The following GOSR1 variants were observed in gnomAD, a reference collection of about 807,000 sequenced individuals.
GOSR1 encodes golgi SNAP receptor complex member 1, also known as 28 kDa Golgi SNARE protein.
Under a neutral mutation model 35.5 loss-of-function variants are expected in GOSR1, and 21 were observed. The ratio of observed to expected loss-of-function variants is 0.59; its 90% CI spans 0.42 to 0.85. The LOEUF is 0.85. GOSR1 is among the 40% of genes least tolerant of loss of function. The pLI is 0.00. For synonymous variants in GOSR1, 94 were observed against 106.6 expected, an observed-to-expected ratio of 0.88 and a Z score of 0.73; for missense variants, 285 against 309.6, an observed-to-expected ratio of 0.92 and a Z score of 0.60.
chr17:30,491,516 GGGCGTAGTTGTA>G (rs1278366646), intron 5 of GOSR1, among the ~76,000 whole-genome samples: 1 of 152,006 alleles, frequency 6.6e-6, no homozygotes, highest in Non-Finnish European at 1.5e-5. Flanking sequence ...AAAATTAGCT[GGGCGTAGTTGTA>G]GGCATCTGTA....
intron 7 of GOSR1, among the ~76,000 whole-genome samples, chr17:30,515,240 AC>A (rs1475516977): frequency 1.3e-5 from 2 of 148,520 alleles, no homozygotes; most frequent in Non-Finnish European, 3.0e-5. Context: ...CAATCTTCCC[AC>A]CTCAGCATTC....
chr17:30,498,568 T>C (rs1383318634), intron 6 of GOSR1, among the ~76,000 whole-genome samples: 1 of 152,272 alleles, frequency 6.6e-6, no homozygotes, highest in East Asian at 1.9e-4. Flanking sequence ...AATGAGTAGG[T>C]GTTCTCCAAG....
intron 6 of GOSR1, chr17:30,495,294 A>G (rs1290869825): frequency 2.7e-6 from 1 of 363,942 alleles, no homozygotes; most frequent in Non-Finnish European, 5.5e-6. Context: ...AAACATTGAA[A>G]TGCCATAATT....
At chr17:30,483,954 G>A (rs1203979173) in intron 2 of GOSR1, among the ~76,000 whole-genome samples, 4 of 152,212 alleles carry the variant, frequency 2.6e-5, no homozygotes, top group Non-Finnish European at 5.9e-5. Context: ...TCGTTAGCTA[G>A]TTATCCAATC....
rs1407035067 is a variant in GOSR1 at position 30,522,312 on chromosome 17, C to G, written c.681C>G (p.Asp227Glu). The G allele has an allele frequency of 6.2e-7, 1 of 1,609,610 alleles. No individual in the cohort carries two copies. Residue 227 changes from aspartate to glutamate, a missense_variant, in exon 9 of 9, where the codon GAC becomes GAG. Asp to Glu is a conservative substitution (Grantham distance 45). This residue lies in a region of GOSR1 where 168 missense variants were observed against 183.2 expected (regional missense o/e 0.92). Coordinates refer to ENST00000451249, the MANE Select transcript of GOSR1 (RefSeq NM_001007025.2). ...IQRINLRKRR[D>E]SLILGGVIGI... ...GGATCAACCTGAGGAAGCGGCGGGA[C>G]TCGCTCATCCTAGGGGGTGTTATTG... is the stretch of plus-strand genomic sequence containing the variant.
At position 30,524,189 on chromosome 17, in the gene GOSR1, C is replaced by G. The variant is rs952587261; in HGVS notation, c.*1811C>G. 6.5e-6 allele frequency: 1 copy of G among 153,618 alleles called. No homozygotes were observed. Among genetic ancestry groups the G allele is most frequent in the Admixed American group, 6.5e-5 (1 of 15,272 alleles). The allele number at this position is 153,618 out of a possible 1,614,324, so 9.5% of individuals were successfully genotyped here. On this transcript the variant is annotated 3_prime_UTR_variant, in exon 9 of 9. Transcript: ENST00000451249. The stretch of plus-strand genomic sequence containing the variant: ...TATGACCCTGCCAAATCCCCCTCTG[C>G]GAGAAACACCCAAGAATGATCAATT...
rs1448037480 is a variant in GOSR1, at chr17:30,516,472, AC to A, written c.540-3466del. On this transcript the variant is annotated intron_variant, in intron 7 of 8. Coordinates refer to ENST00000451249, the MANE Select transcript of GOSR1 (RefSeq NM_001007025.2). Reference sequence around the variant, plus strand: ...GTGACAGAGCAAGACTCCGTCTCAAACAAAAAAAAAGAAAAAGAAAAAGTCA... The same window carrying A: ...GTGACAGAGCAAGACTCCGTCTCAAAAAAAAAAAAGAAAAAGAAAAAGTCA... Among the ~76,000 whole-genome samples, 563 of 145,852 alleles carry A rather than the reference AC, an allele frequency of 3.9e-3. 45 individuals are homozygous for A. The highest frequency in any genetic ancestry group is 9.5e-3 in the East Asian group (48 of 5,064).
In GOSR1 at chr17:30,490,154, A is replaced by G. The variant is rs898380753; in HGVS notation, c.371A>G (p.Lys124Arg). 25 of 1,559,932 alleles carry G rather than the reference A, an allele frequency of 1.6e-5. No individual in the cohort carries two copies. The highest frequency in any genetic ancestry group is 2.2e-5 in the Non-Finnish European group (25 of 1,131,188). The change falls in exon 5 of 9, where the codon AAA (lysine) becomes AGA (arginine). Residue 124 changes from lysine to arginine, a missense_variant. Coordinates refer to ENST00000451249, the MANE Select transcript of GOSR1 (RefSeq NM_001007025.2). ...QDYTHEFHKTKANFMAIRERE... is the reference protein window; with the variant it reads ...QDYTHEFHKTRANFMAIRERE... ...TATACACATGAATTCCATAAAACCA[A>G]AGCAAACTTTATGGCAATACGGGAA...
At chr17:30,492,635 T>C (rs1334630176) in intron 5 of GOSR1, 44 bp from the exon 6 acceptor site, 2 of 1,140,076 alleles carry the variant, frequency 1.8e-6, no homozygotes, top group East Asian at 4.7e-5. Flanking sequence ...TCTGATTTTG[T>C]ATTCTCTGCC....
chr17:30,486,315 G>GA (rs1295682159), intron 4 of GOSR1, among the ~76,000 whole-genome samples: 2 of 152,038 alleles, frequency 1.3e-5, no homozygotes, highest in Admixed American at 6.5e-5. Context: ...TCAGGAGTTG[G>GA]AGACCAGCCT....
In GOSR1 at chr17:30,510,396, T is replaced by C. The variant is rs192563002; in HGVS notation, c.510-484T>C. Among the ~76,000 whole-genome samples the C allele has an allele frequency of 2.0e-5, 3 of 152,212 alleles. No homozygotes were observed. The East Asian group carries it at 5.8e-4, about 29-fold the overall frequency. On this transcript the variant is annotated intron_variant, in intron 6 of 8. Coordinates refer to ENST00000451249, the MANE Select transcript of GOSR1 (RefSeq NM_001007025.2). The stretch of plus-strand genomic sequence containing the variant: ...GTCGTAAGATGGAAATTATATATAT[T>C]GTATGCGAATGAAATTAAATTTATT...
chr17:30,477,423 G>T lies in GOSR1; in HGVS notation c.-11G>T. On this transcript the variant is annotated 5_prime_UTR_variant, in exon 1 of 9. Coordinates refer to ENST00000451249, the MANE Select transcript of GOSR1 (RefSeq NM_001007025.2). ...CTGCTCCCCTATCCCGGCTGACGTT[G>T]GACGACAAAGATGGCGGCAGGGACC... The T allele has an allele frequency of 6.2e-7, 1 of 1,609,344 alleles. No individual in the cohort carries two copies.
rs529166169 is a variant in GOSR1 at position 30,477,778 on chromosome 17, A to G, written c.31+314A>G. 3,038 of 985,270 alleles carry G rather than the reference A, an allele frequency of 3.1e-3. 6 individuals are homozygous for G. Among genetic ancestry groups the G allele is most frequent in the South Asian group, 3.5e-3 (75 of 21,282 alleles). The allele number at this position is 985,270 out of a possible 1,614,324, so 61.0% of individuals were successfully genotyped here. On this transcript the variant is annotated intron_variant, in intron 1 of 8. Transcript: ENST00000451249. ...TTGAGGGAGTAATGGAACTCGGACG[A>G]AGGGGCTTGGGGTACGAACTCTGAG...
intron 7 of GOSR1, among the ~76,000 whole-genome samples, chr17:30,518,231 C>G (rs917490934): frequency 2.6e-5 from 4 of 152,232 alleles, no homozygotes; most frequent in African/African-American, 7.2e-5. Flanking sequence ...GCTGTCAGTT[C>G]CCTGGTTCTC....
Position 30,522,482 on chromosome 17 carries a change from C to T in GOSR1, c.*104C>T, listed in dbSNP as rs543901818. ...TGACTGTCTTGATAATTAGCCTGAC[C>T]AGCAGGATGAATGCAAGACTGACAG... On this transcript the variant is annotated 3_prime_UTR_variant, in exon 9 of 9. Transcript: ENST00000451249. The T allele has an allele frequency of 2.2e-6, 2 of 913,518 alleles. No individual in the cohort carries two copies. Among genetic ancestry groups the T allele is most frequent in the Non-Finnish European group, 3.2e-6 (2 of 629,224 alleles). 56.6% of individuals were successfully genotyped at this position (913,518 alleles called of 1,614,324 possible).
chr17:30,505,440 G>C (rs939872895), intron 6 of GOSR1, among the ~76,000 whole-genome samples: 4 of 152,010 alleles, frequency 2.6e-5, no homozygotes, highest in Non-Finnish European at 5.9e-5. Flanking sequence ...CTCATGTACA[G>C]GCCTACCAAA....
At chr17:30,477,503 T>C in intron 1 of GOSR1, 39 bp downstream of exon 1, 1 of 1,593,558 alleles carries the variant, frequency 6.3e-7, no homozygotes, top group African/African-American at 1.3e-5. Context: ...CCTACGAGGG[T>C]GAGAGGGGCT....
chr17:30,481,235 A>G lies in GOSR1; in HGVS notation c.124A>G (p.Thr42Ala), dbSNP rs200418642. The change falls in exon 2 of 9, where the codon ACC becomes GCC. Residue 42 changes from threonine to alanine, a missense_variant. This residue lies in a region of GOSR1 where 108 missense variants were observed against 98.9 expected (regional missense o/e 1.09). Coordinates refer to ENST00000451249, the MANE Select transcript of GOSR1 (RefSeq NM_001007025.2). ...KLCTSYSHSS[T>A]RDGRRDSSDT... ...ATGTACAAGTTACAGTCATAGCAGT[A>G]CCCGAGATGGAAGACGCGACAGGTA... The G allele has an allele frequency of 2.2e-5, 36 of 1,607,688 alleles. No individual in the cohort carries two copies. In the East Asian group the frequency reaches 8.0e-4, roughly 36 times the overall value.
In GOSR1 at chr17:30,509,339, G is replaced by T. The variant is rs947616022; in HGVS notation, c.510-1541G>T. ...TTGGCCAGGCTGGTCAAGAACTTCT[G>T]ACCTCATGATCCACCTGCCTTGGCC... On this transcript the variant is annotated intron_variant, in intron 6 of 8. Coordinates refer to ENST00000451249, the MANE Select transcript of GOSR1 (RefSeq NM_001007025.2). 1.1e-4 allele frequency among the ~76,000 whole-genome samples: 17 copies of T among 152,252 alleles called. No homozygotes were observed. The East Asian group carries it at 3.3e-3, about 29-fold the overall frequency.
Sources: gnomAD v4.1 joint callset for allele counts (sites outside exome capture counted in the v4.1 genomes callset) on GRCh38, gnomAD v4.1.1 for gene constraint, gnomAD v4.1.1 regional missense constraint, MANE v1.5 for transcripts, NCBI Gene and HGNC (gene_info 2026-07-23, HGNC 2026-07-21) for gene names.